The following ANKRD30A variants were observed in gnomAD, a reference collection of about 807,000 sequenced individuals.
The protein encoded by ANKRD30A is ankyrin repeat domain 30A, also known as ankyrin repeat domain-containing protein 30A.
ANKRD30A carries 170 observed loss-of-function variants against 166.3 expected under a neutral mutation model. The observed-to-expected ratio is 1.02, with a 90% CI of 0.90 to 1.16. The LOEUF is 1.16. ANKRD30A is among the 50% of genes most tolerant of loss of function. The pLI is 0.00. For missense variants in ANKRD30A, 1,630 were observed against 1,518.0 expected (o/e 1.07, Z -1.23); for synonymous variants, 564 against 508.9 (o/e 1.11, Z -1.46).
rs145750013 is a variant in ANKRD30A at position 37,192,355 on chromosome 10, G to A, written c.2513-709G>A. 7.2e-3 allele frequency among the ~76,000 whole-genome samples: 1,089 copies of A among 152,128 alleles called. 26 individuals carry two copies. The highest frequency in any genetic ancestry group is 0.024 in the African/African-American group (994 of 41,464). ...CACTGCACCTGGCCTGTATTGGTTT[G>A]TTGATGGGTATGCTTGGACCTTTTT... On this transcript the variant is annotated intron_variant, in intron 25 of 35. Coordinates refer to ENST00000361713, the MANE Select transcript of ANKRD30A (RefSeq NM_052997.3).
At position 37,125,761 on chromosome 10, in the gene ANKRD30A, G is replaced by A. The variant is rs1835958579; in HGVS notation, c.-27G>A. 17 of 601,126 alleles carry A rather than the reference G, an allele frequency of 2.8e-5. 1 individual carries two copies. The South Asian group carries it at 3.4e-4, about 12-fold the overall frequency. 37.2% of individuals were successfully genotyped at this position (601,126 alleles called of 1,614,324 possible). ...CTGGGAAGGGCGATCGGGAGGCGCG[G>A]GCACTCTCTAGCAGGTGGCCGCAGC... On this transcript the variant is annotated 5_prime_UTR_variant, in exon 1 of 36. Coordinates refer to ENST00000361713, the MANE Select transcript of ANKRD30A (RefSeq NM_052997.3).
intron 5 of ANKRD30A, among the ~76,000 whole-genome samples, chr10:37,134,351 TAAA>T (rs1009188082): frequency 1.3e-5 from 2 of 152,092 alleles, no homozygotes; most frequent in African/African-American, 4.8e-5. Context: ...TTGAATTTTT[TAAA>T]AAAAATCTAA....
chr10:37,165,379 T>A, intron 18 of ANKRD30A, among the ~76,000 whole-genome samples: 1 of 152,212 alleles, frequency 6.6e-6, no homozygotes, highest in Non-Finnish European at 1.5e-5. Context: ...CAAAGTGGTA[T>A]AGTGTAAAAA....
chr10:37,191,855 C>A (rs1478600665), intron 25 of ANKRD30A, among the ~76,000 whole-genome samples: 2 of 151,794 alleles, frequency 1.3e-5, no homozygotes, highest in Non-Finnish European at 2.9e-5. Flanking sequence ...ATCAGCCGGG[C>A]GTGGTGGTGG....
chr10:37,148,496 G>A lies in ANKRD30A; in HGVS notation c.1543+1039G>A, dbSNP rs542940790. 7.2e-4 allele frequency among the ~76,000 whole-genome samples: 109 copies of A among 152,004 alleles called. 1 individual carries two copies. The highest frequency in any genetic ancestry group is 2.5e-3 in the African/African-American group (102 of 41,512). On this transcript the variant is annotated intron_variant, in intron 9 of 35. Transcript: ENST00000361713. ...TTTTTTTAAAAATTTTTTTAGCAGA[G>A]GCATTCTAGGCAGGTAACGGGACAA...
At chr10:37,242,009 C>T in the ANKRD30A span, 2 of 152,106 alleles carry the variant, frequency 1.3e-5, no homozygotes, top group African/African-American at 4.8e-5. Flanking sequence ...AGAAATTTAA[C>T]ATTAATACAT....
At chr10:37,224,944 TA>T (rs1042043180) in intron 34 of ANKRD30A, among the ~76,000 whole-genome samples, 4 of 151,650 alleles carry the variant, frequency 2.6e-5, no homozygotes, top group Non-Finnish European at 5.9e-5. Flanking sequence ...TCAAAAGGTA[TA>T]AAAAATGTAT....
At position 37,197,294 on chromosome 10, in the gene ANKRD30A, G is replaced by T. The variant is rs372393844; in HGVS notation, c.2628G>T (p.Lys876Asn). 41 of 1,613,174 alleles carry T rather than the reference G, an allele frequency of 2.5e-5. No homozygotes were observed. The highest frequency in any genetic ancestry group is 3.4e-5 in the Non-Finnish European group (40 of 1,179,792). Residue 876 changes from lysine (K) to asparagine (N), a missense_variant, in exon 28 of 36, where the codon AAG becomes AAT. Physicochemically the swap from Lys to Asn is moderately conservative, Grantham distance 94. Transcript: ENST00000361713. ...TTTGCTTTTTAGAGCCTCCCGAGAAGCCATCTGCCTTCGAGGTATTTAGTT... is the reference window on the plus strand; with the variant it reads ...TTTGCTTTTTAGAGCCTCCCGAGAATCCATCTGCCTTCGAGGTATTTAGTT... Reference protein sequence around the residue: ...MQTFKAEPPEKPSAFEPAIEM... With the variant: ...MQTFKAEPPENPSAFEPAIEM...
intron 17 of ANKRD30A, 35 bp downstream of exon 17, chr10:37,162,883 A>G (rs1323543490): frequency 1.9e-6 from 3 of 1,599,844 alleles, no homozygotes; most frequent in Non-Finnish European, 1.7e-6. Flanking sequence ...AAAGACCAAT[A>G]TTTCAATATT....
chr10:37,179,040 A>ATATATATG (rs1564529139), intron 24 of ANKRD30A, among the ~76,000 whole-genome samples: 3 of 123,626 alleles, frequency 2.4e-5, no homozygotes, highest in African/African-American at 8.4e-5. Context: ...ATATATATAT[A>ATATATATG]TATATATATA....
intron 5 of ANKRD30A, among the ~76,000 whole-genome samples, chr10:37,134,850 CA>C (rs1836584416): frequency 6.6e-6 from 1 of 152,128 alleles, no homozygotes; most frequent in African/African-American, 2.4e-5. Flanking sequence ...AACTGTAAGT[CA>C]GGTTGAAGTA....
the ANKRD30A span, among the ~76,000 whole-genome samples, chr10:37,243,729 A>C: frequency 6.6e-6 from 1 of 152,124 alleles, no homozygotes; most frequent in Non-Finnish European, 1.5e-5. Context: ...ACATCACTGA[A>C]CTTCTAAGTA....
At chr10:37,228,414 A>G (rs1465077788) in intron 34 of ANKRD30A, among the ~76,000 whole-genome samples, 2 of 149,200 alleles carry the variant, frequency 1.3e-5, no homozygotes, top group Non-Finnish European at 2.9e-5. Flanking sequence ...AAATGATTCT[A>G]CAATGTTCTC....
chr10:37,206,561 G>A (rs954490726), intron 31 of ANKRD30A, among the ~76,000 whole-genome samples: 17 of 152,076 alleles, frequency 1.1e-4, no homozygotes, highest in Admixed American at 9.8e-4. Flanking sequence ...AGGCCAAGGC[G>A]GGCAGATCAC....
chr10:37,192,339 T>C (rs1840659022), intron 25 of ANKRD30A, among the ~76,000 whole-genome samples: 1 of 152,062 alleles, frequency 6.6e-6, no homozygotes, highest in Admixed American at 6.6e-5. Flanking sequence ...CCACTGCACC[T>C]GGCCTGTATT....
At chr10:37,254,662 CCTTTTCTTTT>C in the ANKRD30A span, among the ~76,000 whole-genome samples, 8 of 148,716 alleles carry the variant, frequency 5.4e-5, no homozygotes, top group African/African-American at 2.0e-4. Flanking sequence ...TTCTGGTTGT[CCTTTTCTTTT>C]CTTTTCTTTT....
chr10:37,154,897 C>G (rs17606313), intron 13 of ANKRD30A, among the ~76,000 whole-genome samples: 2 of 152,120 alleles, frequency 1.3e-5, no homozygotes, highest in East Asian at 3.9e-4. Context: ...TTCTTTATTA[C>G]TATGAGGCAT....
At chr10:37,145,964 T>C (rs1039098022) in intron 8 of ANKRD30A, among the ~76,000 whole-genome samples, 5 of 152,284 alleles carry the variant, frequency 3.3e-5, no homozygotes, top group African/African-American at 7.2e-5. Context: ...TTTTTACAGA[T>C]AGAACTCTTT....
intron 27 of ANKRD30A, among the ~76,000 whole-genome samples, chr10:37,195,761 G>A (rs1421374142): frequency 6.6e-6 from 1 of 152,116 alleles, no homozygotes; most frequent in Non-Finnish European, 1.5e-5. Context: ...GGACGTGGTG[G>A]CACGCATTTC....
Sources: allele counts gnomAD v4.1 joint callset (sites outside exome capture counted in the v4.1 genomes callset), GRCh38; gene constraint gnomAD v4.1.1; transcripts MANE v1.5; gene names NCBI Gene and HGNC (gene_info 2026-07-23, HGNC 2026-07-21).